CTNNA3: variants seen among roughly 807,000 people sequenced by gnomAD.
CTNNA3 encodes the protein catenin alpha 3.
In CTNNA3, 76 loss-of-function variants were observed where a neutral mutation model predicts 95.7. That is an observed-to-expected ratio of 0.79 (90% CI 0.66 to 0.96). CTNNA3 has a LOEUF of 0.96. Among genes scored for constraint, CTNNA3 ranks in the 40% least tolerant of loss-of-function variants. The pLI is 0.00. For synonymous variants in CTNNA3, 431 were observed against 374.4 expected (o/e 1.15, Z -1.74); for missense variants, 1,191 against 1,089.8 (o/e 1.09, Z -1.31).
intron 14 of CTNNA3, among the ~76,000 whole-genome samples, chr10:66,087,174 C>T (rs986073107): frequency 2.0e-5 from 3 of 152,008 alleles, no homozygotes; most frequent in African/African-American, 7.2e-5. Context: ...AACCAATCCC[C>T]TGGGCCCAAT....
intron 11 of CTNNA3, among the ~76,000 whole-genome samples, chr10:66,518,862 T>C (rs983925945): frequency 3.9e-5 from 6 of 151,996 alleles, no homozygotes; most frequent in African/African-American, 1.4e-4. Flanking sequence ...TTTGATTCTA[T>C]AAAAATAAAG....
At chr10:66,847,882 T>C (rs1218051138) in intron 7 of CTNNA3, among the ~76,000 whole-genome samples, 2 of 152,140 alleles carry the variant, frequency 1.3e-5, no homozygotes, top group African/African-American at 4.8e-5. Flanking sequence ...ATAGATAATG[T>C]AATTTATTGA....
chr10:67,253,050 A>C (rs1192279874), intron 5 of CTNNA3, among the ~76,000 whole-genome samples: 1 of 152,138 alleles, frequency 6.6e-6, no homozygotes, highest in African/African-American at 2.4e-5. Flanking sequence ...TCAATTTTGC[A>C]CTTAAAGGAA....
chr10:66,642,279 AACAC>A lies in CTNNA3; in HGVS notation c.1282-20499_1282-20496del, dbSNP rs377158480. ...ATACACACACACACACACACACACA[AACAC>A]ACACACACACACACACACACACAAA... On this transcript the variant is annotated intron_variant, in intron 9 of 17. Coordinates refer to ENST00000433211, the MANE Select transcript of CTNNA3 (RefSeq NM_013266.4). 1.4e-3 allele frequency among the ~76,000 whole-genome samples: 86 copies of A among 61,418 alleles called. 1 individual carries two copies. Among genetic ancestry groups the A allele is most frequent in the African/African-American group, 4.0e-3 (74 of 18,516 alleles). 40.3% of individuals were successfully genotyped at this position (61,418 alleles called of 152,430 possible).
chr10:67,461,304 A>G (rs1847364500), intron 5 of CTNNA3, among the ~76,000 whole-genome samples: 1 of 152,118 alleles, frequency 6.6e-6, no homozygotes, highest in African/African-American at 2.4e-5. Context: ...AACCATTAAA[A>G]TTGTATTCCA....
chr10:67,025,115 G>A (rs1307115938), intron 7 of CTNNA3, among the ~76,000 whole-genome samples: 1 of 94,928 alleles, frequency 1.1e-5, no homozygotes, highest in East Asian at 2.9e-4. Flanking sequence ...TGAGCAACAA[G>A]AGCAAAACTC....
At chr10:67,675,754 G>T (rs1840523528) in intron 1 of CTNNA3, among the ~76,000 whole-genome samples, 1 of 152,190 alleles carries the variant, frequency 6.6e-6, no homozygotes, top group Non-Finnish European at 1.5e-5. Context: ...CAAGAGGATT[G>T]GGAAACAACA....
At chr10:66,594,743 A>G (rs1843656979) in intron 10 of CTNNA3, among the ~76,000 whole-genome samples, 1 of 152,146 alleles carries the variant, frequency 6.6e-6, no homozygotes, top group African/African-American at 2.4e-5. Context: ...AGCATGTAGT[A>G]TGGTAGGCAA....
intron 13 of CTNNA3, among the ~76,000 whole-genome samples, chr10:66,263,156 A>G (rs922877700): frequency 1.3e-5 from 2 of 152,038 alleles, no homozygotes; most frequent in South Asian, 2.1e-4. Flanking sequence ...GGCAAAAGCC[A>G]TCATTGGGGG....
intron 7 of CTNNA3, among the ~76,000 whole-genome samples, chr10:67,059,177 C>T (rs1053920735): frequency 6.6e-6 from 1 of 152,060 alleles, no homozygotes; most frequent in African/African-American, 2.4e-5. Flanking sequence ...AACATAACAT[C>T]CACTTTCTAA....
At chr10:66,911,587 A>T (rs566943742) in intron 7 of CTNNA3, among the ~76,000 whole-genome samples, 1 of 152,318 alleles carries the variant, frequency 6.6e-6, no homozygotes, top group East Asian at 1.9e-4. Context: ...GAAATAGACT[A>T]ATCTCAAAGG....
At position 66,513,993 on chromosome 10, in the gene CTNNA3, G is replaced by A. The variant is rs1416833442; in HGVS notation, c.1531+6624C>T. Among the ~76,000 whole-genome samples, 7 of 152,272 alleles carry A rather than the reference G, an allele frequency of 4.6e-5. No individual in the cohort carries two copies. The East Asian group carries it at 1.4e-3, about 29-fold the overall frequency. On this transcript the variant is annotated intron_variant, in intron 11 of 17. Transcript: ENST00000433211. The stretch of plus-strand genomic sequence containing the variant: ...TGTGCACCTGTGATGTGGAGATGCA[G>A]CAGCAATTAGGCCCCAGGGCAGGAT...
chr10:67,670,983 G>T (rs1840420913), intron 1 of CTNNA3, among the ~76,000 whole-genome samples: 1 of 151,830 alleles, frequency 6.6e-6, no homozygotes, highest in African/African-American at 2.4e-5. Context: ...TTTTTTGTTT[G>T]TTTGTTTGTT....
intron 15 of CTNNA3, among the ~76,000 whole-genome samples, chr10:66,004,629 C>T (rs1380306796): frequency 1.3e-5 from 2 of 152,154 alleles, no homozygotes; most frequent in Admixed American, 1.3e-4. Context: ...GGACTTCAGC[C>T]TATTTTGTGA....
chr10:66,024,955 T>C (rs2079306174), intron 15 of CTNNA3, among the ~76,000 whole-genome samples: 1 of 152,190 alleles, frequency 6.6e-6, no homozygotes, highest in African/African-American at 2.4e-5. Flanking sequence ...CCATAGTACA[T>C]GAAAACATTC....
At chr10:67,556,817 T>C (rs1841276113) in intron 3 of CTNNA3, among the ~76,000 whole-genome samples, 1 of 152,216 alleles carries the variant, frequency 6.6e-6, no homozygotes, top group Non-Finnish European at 1.5e-5. Context: ...TGTTCGCTCT[T>C]GCTTCTCTAG....
chr10:67,514,101 C>T (rs1244088648), intron 5 of CTNNA3, among the ~76,000 whole-genome samples: 1 of 152,092 alleles, frequency 6.6e-6, no homozygotes, highest in Non-Finnish European at 1.5e-5. Context: ...GAGTTCAAGA[C>T]CAGCCTGGGC....
intron 12 of CTNNA3, among the ~76,000 whole-genome samples, chr10:66,352,171 G>C (rs77523709): frequency 0.097 from 14,804 of 151,902 alleles, 1,275 homozygotes; most frequent in East Asian, 0.25. Context: ...CAAATGGAAG[G>C]AATATTTCAT....
intron 1 of CTNNA3, among the ~76,000 whole-genome samples, chr10:67,740,987 T>A (rs1293241337): frequency 6.6e-6 from 1 of 151,282 alleles, no homozygotes; most frequent in Non-Finnish European, 1.5e-5. Context: ...CCATAAAAAA[T>A]GATGAGTTCA....
Sources: allele counts gnomAD v4.1 joint callset (sites outside exome capture counted in the v4.1 genomes callset), GRCh38; gene constraint gnomAD v4.1.1; transcripts MANE v1.5; gene names NCBI Gene and HGNC (gene_info 2026-07-23, HGNC 2026-07-21).